The following MAPDA variants were observed in gnomAD, a reference collection of about 807,000 sequenced individuals.
MAPDA encodes N6-Methyl-AMP deaminase.
the MAPDA span, among the ~76,000 whole-genome samples, chr15:43,342,123 G>A: frequency 1.3e-5 from 2 of 152,076 alleles, no homozygotes; most frequent in African/African-American, 2.4e-5. Context: ...ACAGGCATGA[G>A]CCACCACACC....
chr15:43,348,887 C>T, the MAPDA span: 2 of 1,611,290 alleles, frequency 1.2e-6, no homozygotes, highest in Non-Finnish European at 1.7e-6. Flanking sequence ...CATTGATCCC[C>T]TTTCCTCCCC....
the MAPDA span, chr15:43,352,138 A>G: frequency 2.2e-6 from 1 of 451,796 alleles, no homozygotes; most frequent in African/African-American, 2.0e-5. Context: ...TCAGGTGCTT[A>G]CTGGGTGGGA....
the MAPDA span, among the ~76,000 whole-genome samples, chr15:43,340,900 G>C: frequency 6.6e-6 from 1 of 152,186 alleles, no homozygotes; most frequent in African/African-American, 2.4e-5. Flanking sequence ...ATGGGCACTT[G>C]TGAGACAATG....
chr15:43,350,305 C>T, the MAPDA span, among the ~76,000 whole-genome samples: 1 of 150,684 alleles, frequency 6.6e-6, no homozygotes, highest in African/African-American at 2.4e-5. Context: ...GTCTCGATCT[C>T]CTGACCTCAT....
the MAPDA span, among the ~76,000 whole-genome samples, chr15:43,349,992 A>G: frequency 6.6e-6 from 1 of 152,144 alleles, no homozygotes; most frequent in African/African-American, 2.4e-5. Flanking sequence ...ACCATCAATC[A>G]AGTCAGTAAG....
the MAPDA span, among the ~76,000 whole-genome samples, chr15:43,344,278 C>A: frequency 6.7e-6 from 1 of 150,264 alleles, no homozygotes; most frequent in Non-Finnish European, 1.5e-5. Flanking sequence ...CTTAAAATAT[C>A]CAGCATTCAG....
the MAPDA span, among the ~76,000 whole-genome samples, chr15:43,345,346 T>G: frequency 7.7e-6 from 1 of 129,528 alleles, no homozygotes; most frequent in Non-Finnish European, 1.5e-5. Flanking sequence ...CAGAGTGAGA[T>G]TCCATCTCAA....
At chr15:43,330,573 G>C in the MAPDA span, 4 of 1,447,110 alleles carry the variant, frequency 2.8e-6, no homozygotes, top group South Asian at 1.5e-5. Context: ...CCTCGGTAGG[G>C]GGAAAAAAAC....
the MAPDA span, among the ~76,000 whole-genome samples, chr15:43,335,449 G>A: frequency 6.6e-6 from 1 of 152,074 alleles, no homozygotes; most frequent in Non-Finnish European, 1.5e-5. Flanking sequence ...CAGGAGAATC[G>A]CTTGAACCCA....
At chr15:43,331,899 G>C in the MAPDA span, 1 of 152,216 alleles carries the variant, frequency 6.6e-6, no homozygotes, top group African/African-American at 2.4e-5. Flanking sequence ...TTTGTTTTCA[G>C]GTGGAAGCAA....
At chr15:43,332,631 G>A in the MAPDA span, among the ~76,000 whole-genome samples, 1 of 152,138 alleles carries the variant, frequency 6.6e-6, no homozygotes, top group African/African-American at 2.4e-5. Flanking sequence ...ATATAAAATG[G>A]GGATAATAAT....
the MAPDA span, chr15:43,335,304 G>C: frequency 1.2e-6 from 1 of 846,970 alleles, no homozygotes; most frequent in Middle Eastern, 3.3e-4. Context: ...GGAGGCCAAG[G>C]CGGGTGGATT....
the MAPDA span, chr15:43,351,530 A>G: frequency 3.8e-6 from 2 of 522,494 alleles, no homozygotes; most frequent in Non-Finnish European, 6.6e-6. Flanking sequence ...CTCCTTAGGT[A>G]ATTTTAATAT....
chr15:43,334,633 T>TTTTATATATATATATATATA, the MAPDA span, among the ~76,000 whole-genome samples: 2 of 65,142 alleles, frequency 3.1e-5, no homozygotes, highest in African/African-American at 6.6e-5. Context: ...CTCAAAAAAA[T>TTTTATATATATATATATATA]TATATATATA....
the MAPDA span, among the ~76,000 whole-genome samples, chr15:43,346,601 C>T: frequency 1.3e-5 from 2 of 152,352 alleles, no homozygotes; most frequent in South Asian, 4.1e-4. Context: ...GAAATTGATT[C>T]TTATGGCTTT....
chr15:43,340,001 G>A, the MAPDA span, among the ~76,000 whole-genome samples: 2 of 152,172 alleles, frequency 1.3e-5, no homozygotes, highest in African/African-American at 4.8e-5. Context: ...TTTAAAAGGG[G>A]GAAAAGAAGC....
the MAPDA span, chr15:43,330,678 A>C: frequency 3.5e-6 from 2 of 577,716 alleles, no homozygotes; most frequent in Non-Finnish European, 5.7e-6. Context: ...GGGTGTAGCC[A>C]GTGCTAAGTT....
At chr15:43,352,067 CCAG>C in the MAPDA span, 1 of 967,244 alleles carries the variant, frequency 1.0e-6, no homozygotes, top group Non-Finnish European at 1.5e-6. Flanking sequence ...GGCTCTATCA[CCAG>C]CACCTTACAC....
At chr15:43,334,863 G>A in the MAPDA span, 2 of 397,032 alleles carry the variant, frequency 5.0e-6, no homozygotes, top group South Asian at 6.0e-5. Flanking sequence ...TTTTAGAGGA[G>A]CTTTTGCCTT....
Sources: allele counts gnomAD v4.1 joint callset (sites outside exome capture counted in the v4.1 genomes callset), GRCh38; gene constraint gnomAD v4.1.1; transcripts MANE v1.5; gene names NCBI Gene and HGNC (gene_info 2026-07-23, HGNC 2026-07-21).